The following ACOX1 variants were observed in gnomAD, a reference collection of about 807,000 sequenced individuals.
ACOX1 encodes the protein peroxisomal acyl-coenzyme A oxidase 1.
Under a neutral mutation model 75.5 loss-of-function variants are expected in ACOX1, and 41 were observed. The ratio of observed to expected loss-of-function variants is 0.54; its 90% CI spans 0.42 to 0.70. The LOEUF is 0.70. ACOX1 is among the 30% of genes least tolerant of loss of function. The pLI is 0.00. For synonymous variants in ACOX1, 303 were observed against 298.8 expected, an observed-to-expected ratio of 1.01 and a Z score of -0.15; for missense variants, 630 against 837.5, an observed-to-expected ratio of 0.75 and a Z score of 3.06.
At chr17:75,973,682 G>C (rs2066017714) in intron 2 of ACOX1, 1 of 1,614,182 alleles carries the variant, frequency 6.2e-7, no homozygotes, top group African/African-American at 1.3e-5. Context: ...TTGGATGAAA[G>C]CAGCCATTTC....
rs1360483996 is a variant in ACOX1, at chr17:75,978,022, A to C, written c.269+512T>G. Among the ~76,000 whole-genome samples, 1 of 152,130 alleles carries C rather than the reference A, an allele frequency of 6.6e-6. No individual in the cohort carries two copies. The highest frequency in any genetic ancestry group is 2.4e-5 in the African/African-American group (1 of 41,422). On this transcript the variant is annotated intron_variant, in intron 2 of 13. Transcript: ENST00000293217. This position sits in a 1 kb window ranked among gnomAD's most constrained non-coding sequence, Gnocchi z 4.2. Reference sequence around the variant, plus strand: ...CATTTATTATCAGCATTCTACAAACACGTCATCCCACGAAAAGGCTTGGAT... The same window carrying C: ...CATTTATTATCAGCATTCTACAAACCCGTCATCCCACGAAAAGGCTTGGAT...
chr17:75,964,920 A>T lies in ACOX1; in HGVS notation c.270-4545T>A, dbSNP rs2065916686. ...GAAAAACCAATTAGACTAATCATAT[A>T]TGAGAAAGGAAGAAATAAAAAGCAG... On this transcript the variant is annotated intron_variant, in intron 2 of 13. Transcript: ENST00000293217. 4.6e-5 allele frequency among the ~76,000 whole-genome samples: 7 copies of T among 152,284 alleles called. No homozygotes were observed. In the South Asian group the frequency reaches 1.5e-3, roughly 32 times the overall value.
Position 75,978,082 on chromosome 17 carries a change from CTTTA to C in ACOX1, c.269+448_269+451del, listed in dbSNP as rs149370934. 0.13 allele frequency among the ~76,000 whole-genome samples: 19,281 copies of C among 151,454 alleles called. 1,701 individuals carry two copies. Among genetic ancestry groups the C allele is most frequent in the African/African-American group, 0.26 (10,697 of 41,146 alleles). Reference sequence around the variant, plus strand: ...ATCACATTATTTTTCACACATATAACTTTATTTATTTATTTATTTATTTATTTTT... The same window carrying C: ...ATCACATTATTTTTCACACATATAACTTTATTTATTTATTTATTTATTTTT... On this transcript the variant is annotated intron_variant, in intron 2 of 13. Transcript: ENST00000293217. This position sits in a 1 kb window ranked among gnomAD's most constrained non-coding sequence, Gnocchi z 4.2.
intron 2 of ACOX1, among the ~76,000 whole-genome samples, chr17:75,971,168 C>T (rs909023387): frequency 6.6e-6 from 1 of 151,542 alleles, no homozygotes; most frequent in Non-Finnish European, 1.5e-5. Context: ...GCACACGCCT[C>T]TAATCCCAGC....
chr17:75,953,739 A>G, intron 6 of ACOX1, 119 bp from the exon 7 acceptor site: 1 of 1,200,634 alleles, frequency 8.3e-7, no homozygotes, highest in Middle Eastern at 2.6e-4. Context: ...CTTGCATGAA[A>G]TACTACATCT....
chr17:75,949,250 A>G lies in ACOX1; in HGVS notation c.1695T>C (p.Tyr565=), dbSNP rs774049893. Residue 565 remains tyrosine, a synonymous_variant, in exon 12 of 14, where the codon TAT becomes TAC. Coordinates refer to ENST00000293217, the MANE Select transcript of ACOX1 (RefSeq NM_004035.7). Reference sequence around the variant, plus strand: ...AATCCCCCGCGTTCTGACTGATTCCATACAGAGAATACAGCAGACATAAAC... The same window carrying G: ...AATCCCCCGCGTTCTGACTGATTCCGTACAGAGAATACAGCAGACATAAAC... ...LRSLCLLYSL[Y]GISQNAGDFL... 106 of 1,614,248 alleles carry G rather than the reference A, an allele frequency of 6.6e-5. No individual in the cohort carries two copies. In the East Asian group the frequency reaches 2.1e-3, roughly 33 times the overall value.
At chr17:75,976,731 A>G (rs57969099) in intron 2 of ACOX1, among the ~76,000 whole-genome samples, 7,914 of 152,238 alleles carry the variant, frequency 0.052, 236 homozygotes, top group East Asian at 0.13. Flanking sequence ...CAAGCTGAAA[A>G]TCGATACCAA....
chr17:75,948,473 A>G lies in ACOX1; in HGVS notation c.1729-16T>C. Reference sequence around the variant, plus strand: ...TGATGCTCCCCTAAAAGAGACCAAAATAAGTAAATAAAACATATATATGTA... The same window carrying G: ...TGATGCTCCCCTAAAAGAGACCAAAGTAAGTAAATAAAACATATATATGTA... On this transcript the variant is annotated splice_polypyrimidine_tract_variant and intron_variant, in intron 12 of 13. Transcript: ENST00000293217. The G allele has an allele frequency of 1.2e-6, 2 of 1,602,956 alleles. No homozygotes were observed. Among genetic ancestry groups the G allele is most frequent in the South Asian group, 1.1e-5 (1 of 90,844 alleles).
intron 3 of ACOX1, among the ~76,000 whole-genome samples, chr17:75,958,397 A>G (rs1338325604): frequency 3.1e-5 from 4 of 130,632 alleles, no homozygotes; most frequent in Non-Finnish European, 6.6e-5. Flanking sequence ...GGCCAGGCAC[A>G]GTGGCTCAAG....
chr17:75,978,523 G>A lies in ACOX1; in HGVS notation c.269+11C>T. ...CTTAACAACACTTGCTCTGTTCTAA[G>A]GCATACCTACTTTTTAAACCACATA... On this transcript the variant is annotated intron_variant, in intron 2 of 13. Transcript: ENST00000293217. The surrounding 1 kb of genome is among the most constrained non-coding windows in gnomAD (Gnocchi z 4.2). 1 of 1,614,174 alleles carries A rather than the reference G, an allele frequency of 6.2e-7. No individual in the cohort carries two copies. Among genetic ancestry groups the A allele is most frequent in the African/African-American group, 1.3e-5 (1 of 75,038 alleles).
Position 75,950,969 on chromosome 17 carries a change from G to A in ACOX1, c.1108-5C>T. ...TCCAGCGGTGAGGGCATGAAGCTGA[G>A]AGGACAAGCACAGATCTGTCAGGAC... On this transcript the variant is annotated splice_region_variant and splice_polypyrimidine_tract_variant and intron_variant, in intron 8 of 13. Coordinates refer to ENST00000293217, the MANE Select transcript of ACOX1 (RefSeq NM_004035.7). The surrounding 1 kb of genome is among the most constrained non-coding windows in gnomAD (Gnocchi z 4.3). The A allele has an allele frequency of 1.9e-6, 3 of 1,613,746 alleles. No homozygotes were observed. The highest frequency in any genetic ancestry group is 2.5e-6 in the Non-Finnish European group (3 of 1,179,868).
chr17:75,961,579 G>T (rs935537099), intron 2 of ACOX1, among the ~76,000 whole-genome samples: 1 of 151,318 alleles, frequency 6.6e-6, no homozygotes, highest in Non-Finnish European at 1.5e-5. Context: ...AGACCAGCCT[G>T]ACCAACATGG....
rs2065722964 is a variant in ACOX1 at position 75,946,697 on chromosome 17, A to T, written c.*51T>A. ...TTCGAAAAAGATTCCACAAAATTTG[A>T]GTTGCACACAGGCGCTTTCTGAAGC... On this transcript the variant is annotated 3_prime_UTR_variant, in exon 14 of 14. Transcript: ENST00000293217. 2 of 1,536,374 alleles carry T rather than the reference A, an allele frequency of 1.3e-6. No homozygotes were observed. Among genetic ancestry groups the T allele is most frequent in the Non-Finnish European group, 9.0e-7 (1 of 1,109,948 alleles).
At chr17:75,965,337 C>CAAAAAAAAAAAAAA (rs11293371) in intron 2 of ACOX1, among the ~76,000 whole-genome samples, 1 of 81,702 alleles carries the variant, frequency 1.2e-5, no homozygotes, top group Non-Finnish European at 2.6e-5. Flanking sequence ...GACTCTGTCT[C>CAAAAAAAAAAAAAA]AAAAAAAAAA....
chr17:75,956,909 T>TCC (rs1306653590), intron 4 of ACOX1, among the ~76,000 whole-genome samples: 559 of 32,070 alleles, frequency 0.017, 158 homozygotes, highest in East Asian at 0.073. Context: ...TGCCTGGCTT[T>TCC]CCTCTCTCTC....
Position 75,979,065 on chromosome 17 carries a change from C to T in ACOX1, c.9G>A (p.Pro3=). The change falls in exon 1 of 14, where the codon CCG becomes CCA. Residue 3 remains proline (P), a synonymous_variant. Transcript: ENST00000293217. MN[P]DLRRERDSAS... ...CGGAATCCCGCTCCCTGCGCAGGTC[C>T]GGGTTCATGGCGACGACCAGCTGGC... 1 of 1,611,792 alleles carries T rather than the reference C, an allele frequency of 6.2e-7. No homozygotes were observed.
At position 75,946,688 on chromosome 17, in the gene ACOX1, C is replaced by T; in HGVS notation, c.*60G>A. On this transcript the variant is annotated 3_prime_UTR_variant, in exon 14 of 14. Transcript: ENST00000293217. ...CTATTTGAATTCGAAAAAGATTCCA[C>T]AAAATTTGAGTTGCACACAGGCGCT... 1.3e-6 allele frequency: 2 copies of T among 1,500,364 alleles called. No homozygotes were observed. The highest frequency in any genetic ancestry group is 1.1e-5 in the South Asian group (1 of 88,318). The allele number at this position is 1,500,364 out of a possible 1,614,324, so 92.9% of individuals were successfully genotyped here.
At chr17:75,975,715 G>A (rs527473306) in intron 2 of ACOX1, among the ~76,000 whole-genome samples, 4 of 152,162 alleles carry the variant, frequency 2.6e-5, no homozygotes, top group South Asian at 2.1e-4. Context: ...AGGAAGGGGC[G>A]GGTGGATCAC....
intron 2 of ACOX1, among the ~76,000 whole-genome samples, chr17:75,977,587 A>G (rs2066065291): frequency 6.6e-6 from 1 of 152,116 alleles, no homozygotes; most frequent in Admixed American, 6.5e-5. Context: ...ACAAAAACAA[A>G]AAACACAACA....
Sources: allele counts gnomAD v4.1 joint callset (sites outside exome capture counted in the v4.1 genomes callset), GRCh38; gene constraint gnomAD v4.1.1; non-coding constraint Gnocchi (gnomAD v3.1); transcripts MANE v1.5; gene names NCBI Gene and HGNC (gene_info 2026-07-23, HGNC 2026-07-21).